Variants in STK38 observed in about 807,000 individuals in gnomAD.
STK38 encodes the protein serine/threonine-protein kinase 38.
In STK38, 26 loss-of-function variants were observed where a neutral mutation model predicts 59.0. The observed-to-expected ratio is 0.44, with a 90% CI of 0.32 to 0.61. The LOEUF is 0.61. Ranked by LOEUF, STK38 falls within the 20% of genes least tolerant of loss-of-function variation. The probability of loss-of-function intolerance (pLI) is 0.04; values close to 1 mark genes in which losing one functional copy is unlikely to be tolerated. For synonymous variants in STK38, 175 were observed against 176.6 expected (o/e 0.99, Z 0.07); for missense variants, 433 against 566.0 (o/e 0.76, Z 2.38).
chr6:36,516,066 T>C (rs1777244130), intron 6 of STK38, among the ~76,000 whole-genome samples: 1 of 152,238 alleles, frequency 6.6e-6, no homozygotes. Flanking sequence ...GAAAATGCTA[T>C]ACACTAGAAT....
Position 36,517,770 on chromosome 6 carries a change from T to C in STK38, c.461A>G (p.Tyr154Cys), listed in dbSNP as rs773885454. 37 of 1,614,054 alleles carry C rather than the reference T, an allele frequency of 2.3e-5. No homozygotes were observed. Among genetic ancestry groups the C allele is most frequent in the African/African-American group, 2.7e-5 (2 of 74,928 alleles). The change falls in exon 6 of 14, where the codon TAT (tyrosine) becomes TGT (cysteine). Residue 154 changes from tyrosine (Y) to cysteine (C), a missense_variant. Physicochemically the swap from Tyr to Cys is radical, Grantham distance 194. Coordinates refer to ENST00000229812, the MANE Select transcript of STK38 (RefSeq NM_007271.4). ...GAGGTTTAGCTTATCCTGAAAACTA[T>C]AGAACATTTTCACAACCCACAAACT... ...ADSLWVVKMFYSFQDKLNLYL... is the reference protein window; with the variant it reads ...ADSLWVVKMFCSFQDKLNLYL...
At chr6:36,518,563 C>CT (rs888444543) in intron 5 of STK38, among the ~76,000 whole-genome samples, 8 of 152,100 alleles carry the variant, frequency 5.3e-5, no homozygotes, top group Non-Finnish European at 8.8e-5. Context: ...CCCACACACA[C>CT]TTTTTTTAAA....
intron 2 of STK38, among the ~76,000 whole-genome samples, chr6:36,525,983 T>C (rs1777501063): frequency 6.6e-6 from 1 of 152,092 alleles, no homozygotes; most frequent in African/African-American, 2.4e-5. Flanking sequence ...CCCAAGTAGC[T>C]AGGACTACAG....
Position 36,497,867 on chromosome 6 carries a change from C to CA in STK38, c.1084dup (p.Cys362LeufsTer2). 6.2e-7 allele frequency: 1 copy of CA among 1,610,298 alleles called. No homozygotes were observed. The highest frequency in any genetic ancestry group is 8.5e-7 in the Non-Finnish European group (1 of 1,179,104). ...AGCTCCAATTCTATGTTCCCATTCA[C>CA]AGCAGAACCTGGAAAAGACAGAGGC... On this transcript the variant is annotated frameshift_variant, in exon 12 of 14. Transcript: ENST00000229812. LOFTEE classifies it high-confidence loss of function.
At position 36,498,432 on chromosome 6, in the gene STK38, T is replaced by C. The variant is rs1450224640; in HGVS notation, c.1007A>G (p.Asn336Ser). Reference protein sequence around the residue: ...TPQETYKKVMNWKETLTFPPE... With the variant: ...TPQETYKKVMSWKETLTFPPE... ...AGGAAAAGTCAAAGTTTCTTTCCAG[T>C]TCATCACCTTCTTATATGTCTCTTG... is the stretch of plus-strand genomic sequence containing the variant. The change falls in exon 11 of 14, where the codon AAC (asparagine) becomes AGC (serine). Residue 336 changes from asparagine to serine, a missense_variant. Around this residue, in one of 3 missense-constraint regions of STK38, gnomAD observed 136 missense variants for 156.7 expected, o/e 0.87. Coordinates refer to ENST00000229812, the MANE Select transcript of STK38 (RefSeq NM_007271.4). 1.2e-6 allele frequency: 2 copies of C among 1,614,022 alleles called. No individual in the cohort carries two copies. Among genetic ancestry groups the C allele is most frequent in the Admixed American group, 1.7e-5 (1 of 59,970 alleles).
chr6:36,505,227 C>T (rs1776936943), intron 9 of STK38, among the ~76,000 whole-genome samples: 1 of 152,214 alleles, frequency 6.6e-6, no homozygotes, highest in South Asian at 2.1e-4. Context: ...AAAAACTACT[C>T]CTCTGTGGAG....
intron 9 of STK38, 73 bp downstream of exon 9, chr6:36,506,510 A>C: frequency 6.6e-7 from 1 of 1,512,488 alleles, no homozygotes; most frequent in Non-Finnish European, 9.1e-7. Flanking sequence ...GTCAAATGCA[A>C]ATTTATGTGA....
intron 6 of STK38, among the ~76,000 whole-genome samples, 173 bp downstream of exon 6, chr6:36,517,544 G>A (rs1777285308): frequency 6.6e-6 from 1 of 152,094 alleles, no homozygotes; most frequent in African/African-American, 2.4e-5. Flanking sequence ...TAAGATTGTA[G>A]AAAGGCACCC....
chr6:36,499,838 G>A (rs1004515463), intron 10 of STK38, 35 bp downstream of exon 10: 4 of 1,510,610 alleles, frequency 2.6e-6, no homozygotes, highest in Non-Finnish European at 3.7e-6. Context: ...TGTCATGGAT[G>A]CACAGAAAAA....
Position 36,498,436 on chromosome 6 carries a change from T to C in STK38, c.1003A>G (p.Met335Val), listed in dbSNP as rs1170531831. 6.2e-7 allele frequency: 1 copy of C among 1,614,058 alleles called. No individual in the cohort carries two copies. Among genetic ancestry groups the C allele is most frequent in the Non-Finnish European group, 8.5e-7 (1 of 1,179,986 alleles). ...ETPQETYKKV[M>V]NWKETLTFPP... ...AAAGTCAAAGTTTCTTTCCAGTTCA[T>C]CACCTTCTTATATGTCTCTTGAGGG... is the stretch of plus-strand genomic sequence containing the variant. The change falls in exon 11 of 14, where the codon ATG (methionine) becomes GTG (valine). Residue 335 changes from methionine (M) to valine (V), a missense_variant. Around this residue, in one of 3 missense-constraint regions of STK38, gnomAD observed 136 missense variants for 156.7 expected, o/e 0.87. Coordinates refer to ENST00000229812, the MANE Select transcript of STK38 (RefSeq NM_007271.4).
chr6:36,527,315 T>C (rs930553037), intron 2 of STK38, among the ~76,000 whole-genome samples: 2 of 85,942 alleles, frequency 2.3e-5, no homozygotes, highest in Non-Finnish European at 4.6e-5. Flanking sequence ...TACGTATATA[T>C]ACACACATAT....
At chr6:36,524,186 A>G (rs1391858124) in intron 4 of STK38, among the ~76,000 whole-genome samples, 155 bp downstream of exon 4, 1 of 152,244 alleles carries the variant, frequency 6.6e-6, no homozygotes, top group East Asian at 1.9e-4. Flanking sequence ...GAAAAAGAGA[A>G]AGCAGACAGA....
At chr6:36,543,154 TC>T (rs1157656287) in intron 1 of STK38, among the ~76,000 whole-genome samples, 3 of 150,850 alleles carry the variant, frequency 2.0e-5, no homozygotes, top group African/African-American at 4.9e-5. Flanking sequence ...AAGCTCCGCC[TC>T]CCAGGTTCGT....
At chr6:36,507,417 A>C (rs1471512970) in intron 8 of STK38, 83 bp downstream of exon 8, 2 of 1,095,298 alleles carry the variant, frequency 1.8e-6, no homozygotes, top group African/African-American at 3.1e-5. Flanking sequence ...AGAATCTCCT[A>C]TCTGTTCTAA....
chr6:36,495,772 G>A lies in STK38; in HGVS notation c.*12C>T, dbSNP rs780839798. On this transcript the variant is annotated 3_prime_UTR_variant, in exon 14 of 14. Transcript: ENST00000229812. Reference sequence around the variant, plus strand: ...AGAACTCTGCTCCACATAGGATTCCGTGGCAAGAGTACTATTTTGCTGCTT... The same window carrying A: ...AGAACTCTGCTCCACATAGGATTCCATGGCAAGAGTACTATTTTGCTGCTT... 11 of 1,613,404 alleles carry A rather than the reference G, an allele frequency of 6.8e-6. No homozygotes were observed. Among genetic ancestry groups the A allele is most frequent in the African/African-American group, 2.7e-5 (2 of 74,894 alleles).
At chr6:36,529,025 C>T (rs775338471) in intron 2 of STK38, among the ~76,000 whole-genome samples, 41 of 152,118 alleles carry the variant, frequency 2.7e-4, no homozygotes, top group Non-Finnish European at 5.3e-4. Context: ...AAAAAAAAGC[C>T]TATCCATGAT....
chr6:36,497,832 C>T lies in STK38; in HGVS notation c.1120G>A (p.Glu374Lys). Residue 374 changes from glutamate (E) to lysine (K), a missense_variant, in exon 12 of 14, where the codon GAG (glutamate) becomes AAG (lysine). Around this residue, in one of 3 missense-constraint regions of STK38, gnomAD observed 136 missense variants for 156.7 expected, o/e 0.87. Coordinates refer to ENST00000229812, the MANE Select transcript of STK38 (RefSeq NM_007271.4). ...AAAAAAGAGTTACTTTTTATTTCCT[C>T]AACTCCAGGAGCTCCAATTCTATGT... ...WEHRIGAPGV[E>K]EIKSNSFFEG... 6.2e-7 allele frequency: 1 copy of T among 1,613,922 alleles called. No homozygotes were observed. Among genetic ancestry groups the T allele is most frequent in the Non-Finnish European group, 8.5e-7 (1 of 1,179,994 alleles).
chr6:36,526,386 C>T (rs1410444043), intron 2 of STK38, among the ~76,000 whole-genome samples: 1 of 152,048 alleles, frequency 6.6e-6, no homozygotes, highest in South Asian at 2.1e-4. Context: ...GAAAGGGTAA[C>T]AAACAACAAA....
intron 2 of STK38, among the ~76,000 whole-genome samples, chr6:36,536,692 A>G (rs1318879923): frequency 6.6e-6 from 1 of 151,852 alleles, no homozygotes; most frequent in African/African-American, 2.4e-5. Flanking sequence ...CGCCACCACC[A>G]TGCCCAGCTA....
Sources: gnomAD v4.1 joint callset for allele counts (sites outside exome capture counted in the v4.1 genomes callset) on GRCh38, gnomAD v4.1.1 for gene constraint, gnomAD v4.1.1 regional missense constraint, MANE v1.5 for transcripts, NCBI Gene and HGNC (gene_info 2026-07-23, HGNC 2026-07-21) for gene names.